Variants in SNTG1 observed in about 807,000 individuals in gnomAD.
SNTG1 encodes the protein gamma-1-syntrophin.
SNTG1 carries 39 observed loss-of-function variants against 74.7 expected under a neutral mutation model. The ratio of observed to expected loss-of-function variants is 0.52; its 90% confidence interval spans 0.40 to 0.68. The LOEUF is 0.68. SNTG1 is among the 30% of genes least tolerant of loss of function. SNTG1 has a pLI of 0.00. For synonymous variants in SNTG1, 254 were observed against 217.1 expected (o/e 1.17, Z -1.49); for missense variants, 685 against 609.5 (o/e 1.12, Z -1.30).
At chr8:50,473,153 G>A (rs2131759834) in intron 8 of SNTG1, among the ~76,000 whole-genome samples, 1 of 152,204 alleles carries the variant, frequency 6.6e-6, no homozygotes, top group African/African-American at 2.4e-5. Context: ...CTGAATTATG[G>A]GGGTGGTTTT....
intron 2 of SNTG1, among the ~76,000 whole-genome samples, chr8:50,332,081 C>T (rs2090987151): frequency 6.6e-6 from 1 of 152,192 alleles, no homozygotes; most frequent in Non-Finnish European, 1.5e-5. Context: ...CTAAGCTTCT[C>T]TGACTCTCAA....
chr8:50,065,991 C>T (rs1014602331), intron 1 of SNTG1, among the ~76,000 whole-genome samples: 2 of 152,094 alleles, frequency 1.3e-5, no homozygotes, highest in Non-Finnish European at 1.5e-5. Context: ...CCGAGGCAGG[C>T]GGATCACAAG....
In SNTG1 at chr8:50,794,029, G is replaced by C. The variant is rs932644077; in HGVS notation, c.*1200G>C. The C allele has an allele frequency of 5.9e-5, 9 of 151,510 alleles. No individual in the cohort carries two copies. Among genetic ancestry groups the C allele is most frequent in the Non-Finnish European group, 7.4e-5 (5 of 67,842 alleles). The allele number at this position is 151,510 out of a possible 1,614,324, so 9.4% of individuals were successfully genotyped here. A position where few individuals can be genotyped will look rare whatever the true frequency, so the allele number is the denominator to read the frequency against. ...GGTGTGCAATTTACTCAGATTCCAG[G>C]TATTATTCAACTAGTTGTATAACAT... On this transcript the variant is annotated 3_prime_UTR_variant, in exon 19 of 19. Transcript: ENST00000642720.
intron 13 of SNTG1, among the ~76,000 whole-genome samples, chr8:50,655,341 T>C (rs2095173367): frequency 6.6e-6 from 1 of 152,196 alleles, no homozygotes; most frequent in Admixed American, 6.5e-5. Context: ...AACTGTGTTG[T>C]TATCTGATCA....
chr8:49,990,135 A>T (rs1292860101), intron 1 of SNTG1, among the ~76,000 whole-genome samples: 3 of 151,950 alleles, frequency 2.0e-5, no homozygotes, highest in African/African-American at 7.2e-5. Context: ...AAAGAAAGAA[A>T]TACAACTGTC....
intron 2 of SNTG1, among the ~76,000 whole-genome samples, chr8:50,245,206 T>G (rs1234370791): frequency 6.6e-6 from 1 of 152,102 alleles, no homozygotes; most frequent in Non-Finnish European, 1.5e-5. Context: ...GACTTGAAAA[T>G]CATGCTTGGG....
intron 17 of SNTG1, among the ~76,000 whole-genome samples, chr8:50,714,305 T>C (rs1165310857): frequency 6.6e-6 from 1 of 152,044 alleles, no homozygotes; most frequent in Non-Finnish European, 1.5e-5. Context: ...GTTAGGATTG[T>C]CTTGGCTATA....
chr8:50,020,703 T>C (rs916005965), intron 1 of SNTG1, among the ~76,000 whole-genome samples: 2 of 152,152 alleles, frequency 1.3e-5, no homozygotes, highest in African/African-American at 4.8e-5. Flanking sequence ...CACCCCTGCA[T>C]AGATTGATGA....
At chr8:50,488,044 T>C (rs549477906) in intron 8 of SNTG1, among the ~76,000 whole-genome samples, 65 of 152,250 alleles carry the variant, frequency 4.3e-4, no homozygotes, top group Admixed American at 3.7e-3. Flanking sequence ...TGGAGTCTTA[T>C]TAATGTGGAA....
rs10629764 is a variant in SNTG1 at position 49,938,603 on chromosome 8, T to TTTC, written c.-103+26374_-103+26375insCTT. ...TTTTCTTTTCTTTTCTTTTCTTTTC[T>TTTC]TTTCTTTCTTTCTTTCTTTCTTTCT... On this transcript the variant is annotated intron_variant, in intron 1 of 18. Coordinates refer to ENST00000642720, the MANE Select transcript of SNTG1 (RefSeq NM_018967.5). Among the ~76,000 whole-genome samples, 239 of 74,752 alleles carry TTTC rather than the reference T, an allele frequency of 3.2e-3. 16 individuals are homozygous for TTTC. The highest frequency in any genetic ancestry group is 0.01 in the African/African-American group (225 of 22,126). 49.0% of individuals were successfully genotyped at this position (74,752 alleles called of 152,430 possible).
At chr8:50,720,651 A>T (rs576525330) in intron 17 of SNTG1, among the ~76,000 whole-genome samples, 2 of 152,356 alleles carry the variant, frequency 1.3e-5, no homozygotes, top group South Asian at 4.1e-4. Flanking sequence ...TCAATTGCTT[A>T]AACAGAAGAT....
At chr8:50,755,880 C>T (rs145394165) in intron 18 of SNTG1, among the ~76,000 whole-genome samples, 33 of 151,388 alleles carry the variant, frequency 2.2e-4, no homozygotes, top group African/African-American at 7.7e-4. Context: ...TTTTCATATG[C>T]TAATTTTCAT....
intron 12 of SNTG1, among the ~76,000 whole-genome samples, chr8:50,588,209 C>A (rs939069893): frequency 2.0e-5 from 3 of 151,766 alleles, no homozygotes; most frequent in African/African-American, 7.3e-5. Flanking sequence ...TAAGTACTAA[C>A]AATATAACAT....
At chr8:50,733,084 C>T (rs1313130254) in intron 17 of SNTG1, among the ~76,000 whole-genome samples, 1 of 151,846 alleles carries the variant, frequency 6.6e-6, no homozygotes, top group Non-Finnish European at 1.5e-5. Flanking sequence ...AGACAACCCC[C>T]TCCCTACCCC....
rs2095697473 is a variant in SNTG1 at position 50,793,660 on chromosome 8, T to C, written c.*831T>C. On this transcript the variant is annotated 3_prime_UTR_variant, in exon 19 of 19. Coordinates refer to ENST00000642720, the MANE Select transcript of SNTG1 (RefSeq NM_018967.5). ...AATAAGATTTATTATCAAATTAAAG[T>C]TTCATAAATTTTCAGTGAACCCAAA... 1 of 151,860 alleles carries C rather than the reference T, an allele frequency of 6.6e-6. No individual in the cohort carries two copies. Among genetic ancestry groups the C allele is most frequent in the Non-Finnish European group, 1.5e-5 (1 of 67,850 alleles). 9.4% of individuals were successfully genotyped at this position (151,860 alleles called of 1,614,324 possible).
intron 2 of SNTG1, among the ~76,000 whole-genome samples, chr8:50,313,675 C>T (rs745430159): frequency 4.7e-5 from 7 of 149,932 alleles, no homozygotes; most frequent in East Asian, 4.0e-4. Context: ...TTATATTAAA[C>T]GTATTTTTAA....
intron 2 of SNTG1, among the ~76,000 whole-genome samples, chr8:50,299,189 A>G (rs2089529957): frequency 6.6e-6 from 1 of 152,114 alleles, no homozygotes; most frequent in African/African-American, 2.4e-5. Context: ...GAGAAAGAGA[A>G]ATACCAAAAG....
At chr8:50,180,838 GCAA>G (rs1237097451) in intron 2 of SNTG1, among the ~76,000 whole-genome samples, 1 of 133,250 alleles carries the variant, frequency 7.5e-6, no homozygotes, top group African/African-American at 2.9e-5. Flanking sequence ...TCGGCTCACT[GCAA>G]CCTCCACCTC....
chr8:50,103,196 G>A (rs1432501574), intron 1 of SNTG1, among the ~76,000 whole-genome samples: 1 of 152,188 alleles, frequency 6.6e-6, no homozygotes, highest in Non-Finnish European at 1.5e-5. Flanking sequence ...CCATGAGCAT[G>A]GAATGTTCTT....
Sources: gnomAD v4.1 joint callset for allele counts (sites outside exome capture counted in the v4.1 genomes callset) on GRCh38, gnomAD v4.1.1 for gene constraint, MANE v1.5 for transcripts, NCBI Gene and HGNC (gene_info 2026-07-23, HGNC 2026-07-21) for gene names.